Variants in EPHA7 observed in about 807,000 individuals in gnomAD.
The protein encoded by EPHA7 is ephrin type-A receptor 7.
In EPHA7, 25 loss-of-function variants were observed where a neutral mutation model predicts 112.6. The observed-to-expected ratio is 0.22, with a 90% CI of 0.16 to 0.31. The LOEUF is 0.31. Among genes scored for constraint, EPHA7 ranks in the 10% least tolerant of loss-of-function variants. The pLI, the probability that EPHA7 is intolerant of heterozygous loss-of-function variation, is 1.00. For synonymous variants in EPHA7, 437 were observed against 406.5 expected (o/e 1.07, Z -0.90); for missense variants, 962 against 1,212.6 (o/e 0.79, Z 3.07).
intron 3 of EPHA7, among the ~76,000 whole-genome samples, chr6:93,381,949 T>C (rs1421824508): frequency 6.6e-6 from 1 of 152,166 alleles, no homozygotes; most frequent in Non-Finnish European, 1.5e-5. Context: ...CAGCTTTCTA[T>C]GCCTAGATAA....
rs769558376 is a variant in EPHA7, at chr6:93,242,098, T to G, written c.*1328A>C. ...TCCTGCAATATCTATAAAGACACAT[T>G]TAATTATTGCTTATGAAATTCTAAC... is the stretch of plus-strand genomic sequence containing the variant. On this transcript the variant is annotated 3_prime_UTR_variant, in exon 17 of 17. Transcript: ENST00000369303. The G allele has an allele frequency of 2.0e-5, 4 of 198,260 alleles. No individual in the cohort carries two copies. The highest frequency in any genetic ancestry group is 3.1e-5 in the Non-Finnish European group (3 of 95,446). The allele number at this position is 198,260 out of a possible 1,614,324, so 12.3% of individuals were successfully genotyped here.
intron 3 of EPHA7, among the ~76,000 whole-genome samples, chr6:93,365,217 CCA>C (rs369806084): frequency 5.3e-5 from 8 of 152,252 alleles, no homozygotes; most frequent in African/African-American, 1.9e-4. Flanking sequence ...ATGTTGCTGG[CCA>C]CAGTTATGCA....
At chr6:93,315,178 T>C (rs905574656) in intron 5 of EPHA7, among the ~76,000 whole-genome samples, 1 of 152,102 alleles carries the variant, frequency 6.6e-6, no homozygotes, top group Non-Finnish European at 1.5e-5. Flanking sequence ...ATAATTTTCT[T>C]AAATAAAATG....
intron 5 of EPHA7, among the ~76,000 whole-genome samples, chr6:93,283,477 T>G (rs1771880623): frequency 6.6e-6 from 1 of 152,084 alleles, no homozygotes; most frequent in Non-Finnish European, 1.5e-5. Context: ...GCTCACTCTT[T>G]TGGGTCCACA....
At chr6:93,306,882 G>GA (rs1404644622) in intron 5 of EPHA7, among the ~76,000 whole-genome samples, 1 of 151,774 alleles carries the variant, frequency 6.6e-6, no homozygotes, top group Non-Finnish European at 1.5e-5. Context: ...TCTAGAAGGA[G>GA]AAAAAAACTC....
intron 9 of EPHA7, among the ~76,000 whole-genome samples, chr6:93,261,532 T>G (rs1770688141): frequency 6.6e-6 from 1 of 151,524 alleles, no homozygotes; most frequent in Non-Finnish European, 1.5e-5. Context: ...CTCAAAATAT[T>G]AAGAATTTAC....
At chr6:93,376,131 G>T (rs918829326) in intron 3 of EPHA7, among the ~76,000 whole-genome samples, 2 of 151,890 alleles carry the variant, frequency 1.3e-5, no homozygotes, top group Non-Finnish European at 2.9e-5. Flanking sequence ...ACATTTTTTT[G>T]TGTGGGGTTT....
rs58470198 is a variant in EPHA7 at position 93,410,235 on chromosome 6, G to A, written c.832+266C>T. On this transcript the variant is annotated intron_variant, in intron 3 of 16. Transcript: ENST00000369303. The surrounding 1 kb of genome is among the most constrained non-coding windows in gnomAD (Gnocchi z 4.0). ...TCCTCTCTAAACTCCATAGCCCAAC[G>A]TGCAACTATTGACTTCCATGTTAAG... 1,221 of 383,164 alleles carry A rather than the reference G, an allele frequency of 3.2e-3. 13 individuals are homozygous for A. The highest frequency in any genetic ancestry group is 0.023 in the African/African-American group (1,131 of 49,656). The allele number at this position is 383,164 out of a possible 1,614,324, so 23.7% of individuals were successfully genotyped here.
At chr6:93,271,642 C>T (rs1472632735) in intron 6 of EPHA7, among the ~76,000 whole-genome samples, 1 of 151,802 alleles carries the variant, frequency 6.6e-6, no homozygotes, top group African/African-American at 2.4e-5. Flanking sequence ...TCAGATGTAT[C>T]GCTAGTTACT....
intron 7 of EPHA7, among the ~76,000 whole-genome samples, chr6:93,267,420 T>C (rs567708243): frequency 6.6e-6 from 1 of 151,800 alleles, no homozygotes; most frequent in African/African-American, 2.4e-5. Flanking sequence ...AGCAGAGAGA[T>C]TTGAAACCAG....
At chr6:93,344,332 G>A (rs1448524038) in intron 5 of EPHA7, among the ~76,000 whole-genome samples, 2 of 151,442 alleles carry the variant, frequency 1.3e-5, no homozygotes, top group African/African-American at 4.8e-5. Context: ...ATTTGTGTGA[G>A]GCTATATTTG....
chr6:93,359,912 GAT>G (rs1776173427), intron 3 of EPHA7, among the ~76,000 whole-genome samples: 1 of 151,598 alleles, frequency 6.6e-6, no homozygotes, highest in African/African-American at 2.4e-5. Flanking sequence ...TAGATAGATA[GAT>G]AGATAGAGAT....
intron 3 of EPHA7, among the ~76,000 whole-genome samples, chr6:93,382,045 C>T (rs1777362255): frequency 6.6e-6 from 1 of 152,216 alleles, no homozygotes; most frequent in Admixed American, 6.5e-5. Context: ...CAACTGTACA[C>T]ATTATACCAA....
intron 3 of EPHA7, chr6:93,409,625 GT>G (rs1778878160): frequency 6.6e-6 from 1 of 151,518 alleles, no homozygotes. Context: ...AATGTATTAT[GT>G]TTTATATAAG....
chr6:93,377,817 C>T (rs1337189492), intron 3 of EPHA7, among the ~76,000 whole-genome samples: 3 of 152,148 alleles, frequency 2.0e-5, no homozygotes, highest in Admixed American at 6.6e-5. Context: ...TCATACTTCA[C>T]CTCATTCAGG....
intron 13 of EPHA7, 121 bp downstream of exon 13, chr6:93,255,707 C>G: frequency 1.2e-6 from 1 of 850,620 alleles, no homozygotes. Context: ...AAAAAGCAAC[C>G]TCAAAATGCT....
intron 3 of EPHA7, among the ~76,000 whole-genome samples, chr6:93,400,525 C>T (rs552332754): frequency 7.5e-4 from 114 of 152,092 alleles, no homozygotes; most frequent in African/African-American, 2.7e-3. Context: ...ATGATTCCTG[C>T]CCTGCTTTTT....
rs371064766 is a variant in EPHA7 at position 93,413,429 on chromosome 6, C to T, written c.162+1274G>A. Among the ~76,000 whole-genome samples, 163 of 151,888 alleles carry T rather than the reference C, an allele frequency of 1.1e-3. 2 individuals are homozygous for T. In the South Asian group the frequency reaches 0.024, roughly 22 times the overall value. On this transcript the variant is annotated intron_variant, in intron 2 of 16. Transcript: ENST00000369303. Reference sequence around the variant, plus strand: ...GTTTACTTCTCCTCAGAGATAAAACCATCCTCTATCTCTATTTGTTTTAAT... The same window carrying T: ...GTTTACTTCTCCTCAGAGATAAAACTATCCTCTATCTCTATTTGTTTTAAT...
At chr6:93,385,279 T>C (rs1189954880) in intron 3 of EPHA7, among the ~76,000 whole-genome samples, 1 of 152,088 alleles carries the variant, frequency 6.6e-6, no homozygotes, top group Non-Finnish European at 1.5e-5. Context: ...AGAAAAAATA[T>C]ATGTGTACGC....
Sources: gnomAD v4.1 joint callset for allele counts (sites outside exome capture counted in the v4.1 genomes callset) on GRCh38, gnomAD v4.1.1 for gene constraint, Gnocchi (gnomAD v3.1) non-coding constraint, MANE v1.5 for transcripts, NCBI Gene and HGNC (gene_info 2026-07-23, HGNC 2026-07-21) for gene names.